GABRB2: variants seen among roughly 807,000 people sequenced by gnomAD.
GABRB2 encodes the protein gamma-aminobutyric acid receptor subunit beta-2.
Under a neutral mutation model 54.7 loss-of-function variants are expected in GABRB2, and 16 were observed. That is an observed-to-expected ratio of 0.29 (90% CI 0.20 to 0.44). The LOEUF is 0.44. Ranked by LOEUF, GABRB2 falls within the 20% of genes least tolerant of loss-of-function variation. The pLI, the probability that GABRB2 is intolerant of heterozygous loss-of-function variation, is 1.00. For missense variants in GABRB2, 355 were observed against 644.0 expected, an observed-to-expected ratio of 0.55 and a Z score of 4.86; for synonymous variants, 244 against 233.8, an observed-to-expected ratio of 1.04 and a Z score of -0.40.
intron 5 of GABRB2, among the ~76,000 whole-genome samples, chr5:161,377,466 GAA>G: frequency 6.6e-6 from 1 of 152,162 alleles, no homozygotes; most frequent in Non-Finnish European, 1.5e-5. Context: ...GTATTACTGA[GAA>G]AAGAGTATCC....
rs553023800 is a variant in GABRB2 at position 161,528,334 on chromosome 5, C to T, written c.237+16893G>A. 4.6e-5 allele frequency among the ~76,000 whole-genome samples: 7 copies of T among 151,472 alleles called. No individual in the cohort carries two copies. The East Asian group carries it at 7.8e-4, about 17-fold the overall frequency. On this transcript the variant is annotated intron_variant, in intron 3 of 9. Transcript: ENST00000393959. ...TTTCATTATTGTTTATTATGTTTAC[C>T]GATTTCTACAGTGGACATAAATAAG...
intron 5 of GABRB2, among the ~76,000 whole-genome samples, chr5:161,374,655 C>T (rs1755232972): frequency 6.6e-6 from 1 of 152,162 alleles, no homozygotes; most frequent in African/African-American, 2.4e-5. Flanking sequence ...TGACTCAATA[C>T]CTAACTTCCT....
intron 4 of GABRB2, among the ~76,000 whole-genome samples, chr5:161,451,812 T>C (rs112674953): frequency 5.3e-5 from 8 of 152,240 alleles, no homozygotes; most frequent in East Asian, 3.9e-4. Flanking sequence ...ATAAACTACA[T>C]ATATACATTT....
chr5:161,389,897 G>A (rs970283143), intron 5 of GABRB2, among the ~76,000 whole-genome samples: 1 of 151,676 alleles, frequency 6.6e-6, no homozygotes, highest in African/African-American at 2.4e-5. Context: ...CTGTGCAACT[G>A]GGAACTTACC....
At position 161,336,726 on chromosome 5, in the gene GABRB2, A is replaced by T; in HGVS notation, c.585T>A (p.Asp195Glu). ...TCGTTACTCCTGTTACTGCATTATC[A>T]TCGCCACGCCAGTAAAACTCAATGT... ...TDDIEFYWRGDDNAVTGVTKI... is the reference protein window; with the variant it reads ...TDDIEFYWRGEDNAVTGVTKI... The change falls in exon 6 of 10, where the codon GAT (aspartate) becomes GAA (glutamate). Residue 195 changes from aspartate to glutamate, a missense_variant. Coordinates refer to ENST00000393959, the MANE Select transcript of GABRB2 (RefSeq NM_001371727.1). 1.2e-6 allele frequency: 2 copies of T among 1,613,262 alleles called. No homozygotes were observed. Among genetic ancestry groups the T allele is most frequent in the Non-Finnish European group, 8.5e-7 (1 of 1,179,656 alleles).
At chr5:161,440,455 C>T (rs941174072) in intron 4 of GABRB2, among the ~76,000 whole-genome samples, 1 of 151,996 alleles carries the variant, frequency 6.6e-6, no homozygotes, top group Non-Finnish European at 1.5e-5. Context: ...TTATACCCGA[C>T]AAAATATATT....
At chr5:161,434,674 C>T (rs1264409216) in intron 4 of GABRB2, among the ~76,000 whole-genome samples, 1 of 152,094 alleles carries the variant, frequency 6.6e-6, no homozygotes, top group African/African-American at 2.4e-5. Flanking sequence ...ATTTGTCACC[C>T]CCTCCCCATC....
At chr5:161,424,605 C>T (rs1387669192) in intron 4 of GABRB2, among the ~76,000 whole-genome samples, 2 of 152,082 alleles carry the variant, frequency 1.3e-5, no homozygotes, top group African/African-American at 4.8e-5. Flanking sequence ...CAAAATGTTA[C>T]CCTTCATTGA....
chr5:161,336,550 G>C, intron 6 of GABRB2, 82 bp downstream of exon 6: 5 of 1,475,572 alleles, frequency 3.4e-6, no homozygotes, highest in South Asian at 2.5e-5. Flanking sequence ...GCTTCCCTGG[G>C]ACAGAACTCT....
At chr5:161,315,930 C>A in intron 9 of GABRB2, among the ~76,000 whole-genome samples, 1 of 152,156 alleles carries the variant, frequency 6.6e-6, no homozygotes, top group Admixed American at 6.5e-5. Context: ...TTTCCATAGA[C>A]ATTTTTCATA....
intron 5 of GABRB2, among the ~76,000 whole-genome samples, chr5:161,342,485 C>T (rs1257409332): frequency 1.3e-5 from 2 of 151,974 alleles, no homozygotes; most frequent in Non-Finnish European, 2.9e-5. Flanking sequence ...CACATTTTGG[C>T]TCTCTATTAT....
At chr5:161,398,745 A>G (rs1426239483) in intron 5 of GABRB2, among the ~76,000 whole-genome samples, 3 of 151,692 alleles carry the variant, frequency 2.0e-5, no homozygotes, top group African/African-American at 4.9e-5. Context: ...GCTGAAGTTC[A>G]GTGGCGCGAT....
intron 4 of GABRB2, among the ~76,000 whole-genome samples, chr5:161,444,233 G>T (rs747041267): frequency 1.3e-4 from 19 of 151,998 alleles, no homozygotes; most frequent in Non-Finnish European, 2.6e-4. Flanking sequence ...ATTACATAAA[G>T]ACATACCCTA....
intron 3 of GABRB2, among the ~76,000 whole-genome samples, chr5:161,484,422 A>G (rs1407456412): frequency 6.6e-6 from 1 of 151,878 alleles, no homozygotes; most frequent in Non-Finnish European, 1.5e-5. Context: ...ACACTTCTCC[A>G]CTGAGAAATG....
At chr5:161,331,261 C>A in intron 7 of GABRB2, 134 bp from the exon 8 acceptor site, 1 of 1,001,982 alleles carries the variant, frequency 1.0e-6, no homozygotes, top group Non-Finnish European at 1.4e-6. Context: ...TTTACTATTG[C>A]ATGCCAGCCC....
intron 5 of GABRB2, among the ~76,000 whole-genome samples, chr5:161,378,305 T>G (rs1280713766): frequency 6.6e-6 from 1 of 152,152 alleles, no homozygotes; most frequent in Non-Finnish European, 1.5e-5. Context: ...CAACAAGAGT[T>G]GCTCCTAATC....
At chr5:161,355,679 A>C (rs1754601691) in intron 5 of GABRB2, among the ~76,000 whole-genome samples, 1 of 152,058 alleles carries the variant, frequency 6.6e-6, no homozygotes, top group African/African-American at 2.4e-5. Flanking sequence ...GTAGGTATGT[A>C]GTTAAAAATC....
chr5:161,515,512 A>G (rs951557125), intron 3 of GABRB2, among the ~76,000 whole-genome samples: 1 of 152,114 alleles, frequency 6.6e-6, no homozygotes, highest in African/African-American at 2.4e-5. Flanking sequence ...AAAAGAAAAA[A>G]AAAGGATGTT....
Position 161,318,973 on chromosome 5 carries a change from C to T in GABRB2, c.1191+7395G>A, listed in dbSNP as rs560559279. Among the ~76,000 whole-genome samples the T allele has an allele frequency of 4.6e-5, 7 of 151,982 alleles. No homozygotes were observed. The South Asian group carries it at 8.3e-4, about 18-fold the overall frequency. On this transcript the variant is annotated intron_variant, in intron 9 of 9. Transcript: ENST00000393959. ...CTATATAGGAAAAAAGCTGTGGGAA[C>T]TTCCCAAACTTCTCATATTGTTTCT... is the stretch of plus-strand genomic sequence containing the variant.
Sources: gnomAD v4.1 joint callset for allele counts (sites outside exome capture counted in the v4.1 genomes callset) on GRCh38, gnomAD v4.1.1 for gene constraint, MANE v1.5 for transcripts, NCBI Gene and HGNC (gene_info 2026-07-23, HGNC 2026-07-21) for gene names.